Variants in POLA1 observed in about 807,000 individuals in gnomAD.
POLA1 encodes DNA polymerase alpha catalytic subunit.
Under a neutral mutation model 124.0 loss-of-function variants are expected in POLA1, and 15 were observed. That is an observed-to-expected ratio of 0.12 (90% CI 0.08 to 0.19). The LOEUF (loss-of-function observed/expected upper bound fraction) is 0.19. Among genes scored for constraint, POLA1 ranks in the 10% least tolerant of loss-of-function variants. The pLI is 1.00. For missense variants in POLA1, 886 were observed against 1,103.4 expected (o/e 0.80, Z 2.79); for synonymous variants, 408 against 389.4 (o/e 1.05, Z -0.56).
intron 4 of POLA1, among the ~76,000 whole-genome samples, chrX:24,708,227 A>G (rs1382480659): frequency 9.0e-6 from 1 of 111,215 alleles, no homozygotes; most frequent in Non-Finnish European, 1.9e-5. Context: ...TTCATACACT[A>G]TCAAGACCTG....
At chrX:24,860,659 A>G (rs1198821330) in intron 34 of POLA1, among the ~76,000 whole-genome samples, 1 of 112,788 alleles carries the variant, frequency 8.9e-6, no homozygotes, top group Non-Finnish European at 1.9e-5. Flanking sequence ...AAGCTAGAGC[A>G]AAGGAGTGAA....
At chrX:24,950,713 C>T (rs752280900) in intron 36 of POLA1, among the ~76,000 whole-genome samples, 7 of 112,094 alleles carry the variant, frequency 6.2e-5, no homozygotes, top group Non-Finnish European at 1.3e-4. Flanking sequence ...TGTATATTAT[C>T]TCCCAAGATT....
At chrX:24,700,482 A>G (rs1215569720) in intron 2 of POLA1, among the ~76,000 whole-genome samples, 1 of 112,045 alleles carries the variant, frequency 8.9e-6, no homozygotes, top group East Asian at 2.8e-4. Context: ...AAAGGTTGCT[A>G]AAAGGATTTC....
intron 26 of POLA1, among the ~76,000 whole-genome samples, chrX:24,789,670 A>G (rs1402926674): frequency 8.9e-6 from 1 of 112,105 alleles, no homozygotes; most frequent in Non-Finnish European, 1.9e-5. Flanking sequence ...TGTTATAAGC[A>G]TGAGTATGGA....
intron 36 of POLA1, among the ~76,000 whole-genome samples, chrX:24,985,746 G>A (rs1431997982): frequency 1.8e-5 from 2 of 112,100 alleles, no homozygotes; most frequent in Non-Finnish European, 3.8e-5. Flanking sequence ...GGTGAGTGTG[G>A]TGCAGATATT....
rs1009316246 is a variant in POLA1 at position 24,785,278 on chromosome X, A to G, written c.2965-24620A>G. 3.4e-4 allele frequency among the ~76,000 whole-genome samples: 38 copies of G among 112,246 alleles called. No individual in the cohort carries two copies. The South Asian group carries it at 3.7e-3, about 11-fold the overall frequency. ...TTTTAAGGATGTAGTATCCTATAAT[A>G]TATTCAGTTTAACTGGGACAAAACA... On this transcript the variant is annotated intron_variant, in intron 26 of 36. Transcript: ENST00000379068.
intron 26 of POLA1, among the ~76,000 whole-genome samples, chrX:24,793,370 A>G (rs1474504024): frequency 6.4e-5 from 7 of 109,428 alleles, no homozygotes; most frequent in African/African-American, 2.3e-4. Flanking sequence ...AGGTTTCAAG[A>G]AGACATTTCA....
intron 26 of POLA1, chrX:24,788,548 T>A: frequency 3.3e-6 from 4 of 1,194,791 alleles, no homozygotes; most frequent in Non-Finnish European, 4.5e-6. Context: ...CTAGTTTAGA[T>A]GAGCCCCAGA....
At chrX:24,876,381 C>T (rs1238819611) in intron 34 of POLA1, among the ~76,000 whole-genome samples, 1 of 111,551 alleles carries the variant, frequency 9.0e-6, no homozygotes, top group Non-Finnish European at 1.9e-5. Flanking sequence ...CCTTGTGTTG[C>T]CAAGAGGAAA....
chrX:24,853,671 A>T (rs2046597583), intron 34 of POLA1, among the ~76,000 whole-genome samples: 2 of 112,233 alleles, frequency 1.8e-5, no homozygotes, highest in South Asian at 7.4e-4. Flanking sequence ...CGTTGGTTAC[A>T]AATACTGTCA....
intron 30 of POLA1, among the ~76,000 whole-genome samples, chrX:24,818,836 C>T (rs761522002): frequency 1.7e-3 from 191 of 112,118 alleles, no homozygotes; most frequent in Non-Finnish European, 1.0e-3. Flanking sequence ...GCTCAGTAGA[C>T]GACATCTGGG....
At chrX:24,814,929 T>C (rs768637229) in intron 29 of POLA1, 50 bp from the exon 30 acceptor site, 4 of 1,088,466 alleles carry the variant, frequency 3.7e-6, no homozygotes, top group South Asian at 4.5e-5. Context: ...GTAAAATATA[T>C]TAAAAAATCA....
chrX:24,959,245 C>T (rs1252113920), intron 36 of POLA1, among the ~76,000 whole-genome samples: 2 of 111,483 alleles, frequency 1.8e-5, no homozygotes, highest in Non-Finnish European at 3.8e-5. Flanking sequence ...GTGGGCGGAT[C>T]ACGAGGTCAG....
chrX:24,969,744 T>G lies in POLA1; in HGVS notation c.4262-26061T>G, dbSNP rs1055492876. On this transcript the variant is annotated intron_variant, in intron 36 of 36. Coordinates refer to ENST00000379068, the MANE Select transcript of POLA1 (RefSeq NM_001330360.2). The stretch of plus-strand genomic sequence containing the variant: ...GTGCCATAGTGGTTTGCTACACAGA[T>G]CATCCCATCACCTAGGTATTAAGCC... Among the ~76,000 whole-genome samples the G allele has an allele frequency of 2.7e-5, 3 of 110,807 alleles. No homozygotes were observed. In the Admixed American group the frequency reaches 2.9e-4, roughly 11 times the overall value.
At position 24,995,979 on chromosome X, in the gene POLA1, G is replaced by A; in HGVS notation, c.*29G>A. The A allele has an allele frequency of 8.4e-7, 1 of 1,188,854 alleles. No individual in the cohort carries two copies. Among genetic ancestry groups the A allele is most frequent in the South Asian group, 1.8e-5 (1 of 54,356 alleles). Reference sequence around the variant, plus strand: ...AATCCCAGGAGTAACCAAGGAGGGGGTAGTTGAAAAATCCCAGCTTCCTCT... The same window carrying A: ...AATCCCAGGAGTAACCAAGGAGGGGATAGTTGAAAAATCCCAGCTTCCTCT... On this transcript the variant is annotated 3_prime_UTR_variant, in exon 37 of 37. Transcript: ENST00000379068.
intron 33 of POLA1, among the ~76,000 whole-genome samples, chrX:24,843,245 A>G (rs1428716999): frequency 2.7e-5 from 3 of 111,968 alleles, no homozygotes; most frequent in Non-Finnish European, 3.8e-5. Flanking sequence ...ACATGACTTC[A>G]CTGGTATTTA....
chrX:24,918,062 T>C (rs1482339118), intron 35 of POLA1, among the ~76,000 whole-genome samples: 1 of 110,627 alleles, frequency 9.0e-6, no homozygotes, highest in African/African-American at 3.3e-5. Flanking sequence ...ATTTTATATC[T>C]ATTATCATTA....
intron 35 of POLA1, among the ~76,000 whole-genome samples, chrX:24,889,223 T>A (rs2047111202): frequency 9.0e-6 from 1 of 111,518 alleles, no homozygotes; most frequent in Non-Finnish European, 1.9e-5. Context: ...AGACATACTA[T>A]CATTAATGAC....
intron 36 of POLA1, among the ~76,000 whole-genome samples, chrX:24,989,323 C>T (rs1258096097): frequency 8.9e-6 from 1 of 111,738 alleles, no homozygotes; most frequent in Non-Finnish European, 1.9e-5. Flanking sequence ...TCCCAGGATT[C>T]GACTTGACTC....
Sources: gnomAD v4.1 joint callset for allele counts (sites outside exome capture counted in the v4.1 genomes callset) on GRCh38, gnomAD v4.1.1 for gene constraint, MANE v1.5 for transcripts, NCBI Gene and HGNC (gene_info 2026-07-23, HGNC 2026-07-21) for gene names.